The following CCDC148 variants were observed in gnomAD, a reference collection of about 807,000 sequenced individuals.
CCDC148 encodes coiled-coil domain-containing protein 148.
Under a neutral mutation model 85.7 loss-of-function variants are expected in CCDC148, and 89 were observed. That is an observed-to-expected ratio of 1.04 (90% CI 0.87 to 1.24). The LOEUF (loss-of-function observed/expected upper bound fraction) is 1.24, where lower values mean the gene tolerates loss of function less well. Among genes scored for constraint, CCDC148 ranks in the 50% most tolerant of loss-of-function variants. The pLI, the probability that CCDC148 is intolerant of heterozygous loss-of-function variation, is 0.00. For missense variants in CCDC148, 692 were observed against 671.7 expected (o/e 1.03, Z -0.33); for synonymous variants, 230 against 213.9 (o/e 1.08, Z -0.66).
intron 1 of CCDC148, among the ~76,000 whole-genome samples, chr2:158,372,973 G>T (rs1684510950): frequency 6.6e-6 from 1 of 152,062 alleles, no homozygotes; most frequent in Non-Finnish European, 1.5e-5. Context: ...CAGAACTTAT[G>T]ATTATGTGAT....
chr2:158,231,009 G>GT (rs1004735698), intron 10 of CCDC148, among the ~76,000 whole-genome samples: 4 of 152,162 alleles, frequency 2.6e-5, no homozygotes, highest in Non-Finnish European at 5.9e-5. Flanking sequence ...TGGGAGCTCA[G>GT]TTTTGAACAC....
intron 10 of CCDC148, 33 bp from the exon 11 acceptor site, chr2:158,220,746 A>G: frequency 6.8e-7 from 1 of 1,465,266 alleles, no homozygotes; most frequent in Non-Finnish European, 9.3e-7. Flanking sequence ...AATTTAAATT[A>G]ACAACAGATA....
At chr2:158,219,409 T>C (rs1323415683) in intron 11 of CCDC148, among the ~76,000 whole-genome samples, 4 of 152,184 alleles carry the variant, frequency 2.6e-5, no homozygotes, top group Non-Finnish European at 5.9e-5. Flanking sequence ...GTGGACCCTC[T>C]ATCTATCCCT....
intron 11 of CCDC148, among the ~76,000 whole-genome samples, chr2:158,206,940 T>C (rs1686279091): frequency 6.6e-6 from 1 of 152,190 alleles, no homozygotes. Context: ...CTCAACCATG[T>C]CAGTTGCTTT....
intron 1 of CCDC148, among the ~76,000 whole-genome samples, chr2:158,438,687 C>G (rs1343338492): frequency 1.3e-5 from 2 of 152,110 alleles, no homozygotes; most frequent in South Asian, 4.1e-4. Context: ...AGTGAACAGG[C>G]AACCTACAGA....
At chr2:158,351,319 G>A (rs1053242630) in intron 2 of CCDC148, among the ~76,000 whole-genome samples, 4 of 152,220 alleles carry the variant, frequency 2.6e-5, no homozygotes, top group Non-Finnish European at 5.9e-5. Flanking sequence ...TTCCATCTGA[G>A]GTACCGGGTT....
At chr2:158,230,702 C>T (rs1038340472) in intron 10 of CCDC148, among the ~76,000 whole-genome samples, 8 of 152,016 alleles carry the variant, frequency 5.3e-5, no homozygotes, top group African/African-American at 1.7e-4. Flanking sequence ...AAGTGGAGCA[C>T]GGGTAGTAGA....
Position 158,289,791 on chromosome 2 carries a change from T to C in CCDC148, c.1110+19642A>G, listed in dbSNP as rs59122728. ...ATTGCAACATTGTTTCTAATAACCA[T>C]GAAGTAGAGATAACCCAAATGTCTA... is the stretch of plus-strand genomic sequence containing the variant. On this transcript the variant is annotated intron_variant, in intron 9 of 13. Transcript: ENST00000283233. Among the ~76,000 whole-genome samples the C allele has an allele frequency of 7.3e-3, 1,119 of 152,260 alleles. 18 individuals carry two copies. The highest frequency in any genetic ancestry group is 0.026 in the African/African-American group (1,066 of 41,542).
chr2:158,399,773 A>C (rs1456427187), intron 1 of CCDC148, among the ~76,000 whole-genome samples: 1 of 152,194 alleles, frequency 6.6e-6, no homozygotes, highest in Admixed American at 6.6e-5. Flanking sequence ...AGTTCTGGCC[A>C]GGGCAATCAG....
intron 11 of CCDC148, among the ~76,000 whole-genome samples, chr2:158,179,516 A>G (rs1684782826): frequency 6.6e-6 from 1 of 152,022 alleles, no homozygotes; most frequent in Admixed American, 6.6e-5. Context: ...TTCCTCATTG[A>G]AATCACTTTA....
chr2:158,281,613 A>T (rs761644375), intron 9 of CCDC148, among the ~76,000 whole-genome samples: 1 of 152,132 alleles, frequency 6.6e-6, no homozygotes, highest in African/African-American at 2.4e-5. Flanking sequence ...AATAACAGGA[A>T]GTGAAATTGT....
intron 1 of CCDC148, among the ~76,000 whole-genome samples, chr2:158,408,977 T>A (rs1450387966): frequency 6.6e-6 from 1 of 152,178 alleles, no homozygotes; most frequent in African/African-American, 2.4e-5. Context: ...TTTCTTCTTT[T>A]GAGAAATGTC....
At chr2:158,193,504 C>A (rs906382210) in intron 11 of CCDC148, among the ~76,000 whole-genome samples, 1 of 151,832 alleles carries the variant, frequency 6.6e-6, no homozygotes, top group Non-Finnish European at 1.5e-5. Flanking sequence ...CATCAAAAAG[C>A]CTTGCTCCTC....
intron 11 of CCDC148, among the ~76,000 whole-genome samples, chr2:158,186,055 C>A (rs1012996317): frequency 6.6e-6 from 1 of 151,988 alleles, no homozygotes; most frequent in South Asian, 2.1e-4. Context: ...TTATTGCAAC[C>A]TCTTAAAATA....
chr2:158,330,716 C>T (rs1224887019), intron 7 of CCDC148, among the ~76,000 whole-genome samples: 1 of 152,144 alleles, frequency 6.6e-6, no homozygotes, highest in African/African-American at 2.4e-5. Context: ...AGAGATTCAA[C>T]TTCTTCCTGG....
At chr2:158,440,931 C>T (rs1362637332) in intron 1 of CCDC148, among the ~76,000 whole-genome samples, 1 of 152,084 alleles carries the variant, frequency 6.6e-6, no homozygotes, top group African/African-American at 2.4e-5. Flanking sequence ...CTGTAAGTAG[C>T]AGCTACTTGG....
At chr2:158,366,139 T>C in intron 1 of CCDC148, 11 of 1,197,526 alleles carry the variant, frequency 9.2e-6, no homozygotes, top group Non-Finnish European at 1.3e-5. Flanking sequence ...TTTAAAGCTG[T>C]GTTACTTGAA....
intron 11 of CCDC148, among the ~76,000 whole-genome samples, chr2:158,201,419 T>TC (rs1685947305): frequency 1.3e-5 from 2 of 151,974 alleles, no homozygotes; most frequent in Admixed American, 1.3e-4. Flanking sequence ...TGTTACTATT[T>TC]TTTTTTTGGA....
intron 2 of CCDC148, among the ~76,000 whole-genome samples, chr2:158,352,831 G>A (rs1683393051): frequency 6.6e-6 from 1 of 152,032 alleles, no homozygotes; most frequent in Non-Finnish European, 1.5e-5. Context: ...AGAGAGAAAG[G>A]TCGGGTTACT....
Sources: allele counts gnomAD v4.1 joint callset (sites outside exome capture counted in the v4.1 genomes callset), GRCh38; gene constraint gnomAD v4.1.1; transcripts MANE v1.5; gene names NCBI Gene and HGNC (gene_info 2026-07-23, HGNC 2026-07-21).